Variants in HDAC7 observed in about 807,000 individuals in gnomAD.
HDAC7 encodes the protein histone deacetylase 7A.
A neutral mutation model predicts 115.5 loss-of-function variants in HDAC7; 26 were observed. That is an observed-to-expected ratio of 0.23 (90% CI 0.16 to 0.31). HDAC7 has a LOEUF of 0.31. HDAC7 is among the 10% of genes least tolerant of loss of function. HDAC7 has a pLI of 1.00. For synonymous variants in HDAC7, 564 were observed against 550.9 expected (o/e 1.02, Z -0.33); for missense variants, 1,068 against 1,329.0 (o/e 0.80, Z 3.05).
rs1351983270 is a variant in HDAC7, at chr12:47,819,822, C to T, written c.-37G>A. 5.3e-5 allele frequency: 2 copies of T among 37,904 alleles called. No homozygotes were observed. The highest frequency in any genetic ancestry group is 5.6e-4 in the East Asian group (1 of 1,776). 2.3% of individuals were successfully genotyped at this position (37,904 alleles called of 1,614,324 possible). ...GGCCCTCAGAGCGGGGGGCTCATGG[C>T]GGGGCGGGGGGCTGGGGCGCCGGCC... On this transcript the variant is annotated 5_prime_UTR_variant, in exon 1 of 26. Transcript: ENST00000080059.
At chr12:47,812,830 G>T (rs1055984462) in intron 1 of HDAC7, 3 of 152,254 alleles carry the variant, frequency 2.0e-5, no homozygotes, top group African/African-American at 4.8e-5. Context: ...TTCAAACCCA[G>T]ATCTCTGGCG....
chr12:47,819,526 C>A (rs1328559197), intron 1 of HDAC7, among the ~76,000 whole-genome samples: 8 of 151,870 alleles, frequency 5.3e-5, no homozygotes, highest in African/African-American at 1.9e-4. Flanking sequence ...GGGCGCCCCG[C>A]GGGAGGCCCG....
chr12:47,789,144 A>G, intron 19 of HDAC7, 117 bp downstream of exon 19: 1 of 808,640 alleles, frequency 1.2e-6, no homozygotes, highest in South Asian at 1.6e-5. Flanking sequence ...ACAAGGGGAA[A>G]CTGAGGCTCA....
chr12:47,785,219 T>G, intron 24 of HDAC7, 168 bp downstream of exon 24: 1 of 642,926 alleles, frequency 1.6e-6, no homozygotes, highest in Non-Finnish European at 2.7e-6. Flanking sequence ...AACCCCTCAC[T>G]GGGGGGTGCT....
In HDAC7 at chr12:47,785,893, T is replaced by A. The variant is rs763872349; in HGVS notation, c.2573-8A>T. On this transcript the variant is annotated splice_region_variant and splice_polypyrimidine_tract_variant and intron_variant, in intron 22 of 25. Transcript: ENST00000080059. The stretch of plus-strand genomic sequence containing the variant: ...GCGTCATGTATCCAAAACCTAGAGG[T>A]TGGGAGGGGAGAAATGGGAGGGGCG... 2.5e-6 allele frequency: 4 copies of A among 1,582,246 alleles called. No individual in the cohort carries two copies. The East Asian group carries it at 9.1e-5, about 36-fold the overall frequency.
At chr12:47,805,322 G>T (rs956734223) in intron 1 of HDAC7, among the ~76,000 whole-genome samples, 1 of 151,792 alleles carries the variant, frequency 6.6e-6, no homozygotes, top group Non-Finnish European at 1.5e-5. Context: ...GGGCTCAAGC[G>T]ATCCTCCCCG....
At position 47,797,294 on chromosome 12, in the gene HDAC7, C is replaced by CA; in HGVS notation, c.577+89dup. On this transcript the variant is annotated intron_variant, in intron 6 of 25. Transcript: ENST00000080059. The surrounding 1 kb of genome is among the most constrained non-coding windows in gnomAD (Gnocchi z 5.5). The stretch of plus-strand genomic sequence containing the variant: ...CTACCGATGATCTCCTGGCCCAGCC[C>CA]AGCCCGCCCACCCCTGCACACTCCT... The CA allele has an allele frequency of 7.6e-7, 1 of 1,314,908 alleles. No individual in the cohort carries two copies. Among genetic ancestry groups the CA allele is most frequent in the South Asian group, 1.2e-5 (1 of 80,996 alleles). 81.5% of individuals were successfully genotyped at this position (1,314,908 alleles called of 1,614,324 possible).
intron 1 of HDAC7, among the ~76,000 whole-genome samples, chr12:47,814,070 T>G (rs1944778170): frequency 6.6e-6 from 1 of 152,182 alleles, no homozygotes; most frequent in African/African-American, 2.4e-5. Flanking sequence ...TCCCAGCTGA[T>G]GTAGAGCCCG....
rs373121556 is a variant in HDAC7 at position 47,797,855 on chromosome 12, G to GGTGT, written c.461+249_461+252dup. Among the ~76,000 whole-genome samples the GGTGT allele has an allele frequency of 0.039, 4,820 of 123,884 alleles. 158 individuals are homozygous for GGTGT. The highest frequency in any genetic ancestry group is 0.082 in the African/African-American group (2,555 of 31,272). The allele number at this position is 123,884 out of a possible 152,430, so 81.3% of individuals were successfully genotyped here. A position where few individuals can be genotyped will look rare whatever the true frequency, so the allele number is the denominator to read the frequency against. ...TCATGTGCAAGAAAAAAGCCAGTAG[G>GGTGT]GTGTGTGTGTGTGTGTGTGTGTGTG... is the stretch of plus-strand genomic sequence containing the variant. On this transcript the variant is annotated intron_variant, in intron 5 of 25. Transcript: ENST00000080059. This position sits in a 1 kb window ranked among gnomAD's most constrained non-coding sequence, Gnocchi z 5.5.
At chr12:47,790,795 C>G in intron 16 of HDAC7, 1 of 207,068 alleles carries the variant, frequency 4.8e-6, no homozygotes. Context: ...GGCTATGTCC[C>G]GGAGTGGGGA....
rs748824038 is a variant in HDAC7, at chr12:47,791,650, C to T, written c.1869G>A (p.Arg623=). 4.3e-6 allele frequency: 7 copies of T among 1,613,312 alleles called. No individual in the cohort carries two copies. In the South Asian group the frequency reaches 7.7e-5, roughly 18 times the overall value. The change falls in exon 15 of 26, where the codon CGG becomes CGA. Residue 623 remains arginine, a synonymous_variant. Coordinates refer to ENST00000080059, the MANE Select transcript of HDAC7 (RefSeq NM_015401.5). The part of the protein sequence containing the change: ...LEELQSVHSE[R]HVLLYGTNPL... Reference sequence around the variant, plus strand: ...GGTTGGTGCCGTAGAGGAGCACGTGCCGCTCAGAGTGGACCGACTGCAGCT... The same window carrying T: ...GGTTGGTGCCGTAGAGGAGCACGTGTCGCTCAGAGTGGACCGACTGCAGCT...
rs1943747890 is a variant in HDAC7 at position 47,795,244 on chromosome 12, T to A, written c.1224A>T (p.Pro408=). ...EPLPPSATAP[P]PPGPMQPRLE... is the part of the protein sequence containing the mutation. ...GGCGGGGCTGCATGGGGCCCGGCGG[T>A]GGGGGAGCGGTGGCACTGGGGGGCA... Residue 408 remains proline (P), a synonymous_variant, in exon 11 of 26, where the codon CCA becomes CCT. Transcript: ENST00000080059. This position sits in a 1 kb window ranked among gnomAD's most constrained non-coding sequence, Gnocchi z 4.3. 6.2e-7 allele frequency: 1 copy of A among 1,611,074 alleles called. No homozygotes were observed. The highest frequency in any genetic ancestry group is 8.5e-7 in the Non-Finnish European group (1 of 1,178,546).
At chr12:47,818,197 G>A (rs10875691) in intron 1 of HDAC7, among the ~76,000 whole-genome samples, 7,583 of 152,192 alleles carry the variant, frequency 0.05, 693 homozygotes, top group East Asian at 0.24. Flanking sequence ...CCGAATAAGG[G>A]ACACAGAGGC....
intron 2 of HDAC7, among the ~76,000 whole-genome samples, chr12:47,801,054 G>A (rs1944141931): frequency 1.3e-5 from 2 of 152,156 alleles, no homozygotes; most frequent in Non-Finnish European, 1.5e-5. Flanking sequence ...TGCCTGTGCT[G>A]TCCTCATCCC....
chr12:47,802,148 C>T (rs1323145034), intron 2 of HDAC7, 76 bp downstream of exon 2: 25 of 1,462,404 alleles, frequency 1.7e-5, no homozygotes, highest in Non-Finnish European at 2.1e-5. Context: ...AACCCCTCAG[C>T]TTCTCGCGTT....
chr12:47,785,543 C>T (rs774598909), intron 23 of HDAC7, 72 bp from the exon 24 acceptor site: 14 of 1,466,372 alleles, frequency 9.5e-6, no homozygotes, highest in South Asian at 3.8e-5. Flanking sequence ...ACCCCAGGGG[C>T]CCCAGCCTTC....
intron 16 of HDAC7, chr12:47,790,388 C>T (rs886248528): frequency 3.5e-5 from 6 of 170,806 alleles, no homozygotes; most frequent in East Asian, 3.0e-4. Context: ...AGGGAGGGGC[C>T]GGGGGGCATG....
rs992607520 is a variant in HDAC7, at chr12:47,803,470, C to G, written c.20-1196G>C. On this transcript the variant is annotated intron_variant, in intron 1 of 25. Coordinates refer to ENST00000080059, the MANE Select transcript of HDAC7 (RefSeq NM_015401.5). This position sits in a 1 kb window ranked among gnomAD's most constrained non-coding sequence, Gnocchi z 4.0. ...GACTCCCACCGACTGCCCCTCAAAC[C>G]AGCCCATGCTTTGGGTAACAAAGTT... 6.6e-6 allele frequency among the ~76,000 whole-genome samples: 1 copy of G among 152,198 alleles called. No individual in the cohort carries two copies. The highest frequency in any genetic ancestry group is 6.5e-5 in the Admixed American group (1 of 15,280).
Position 47,793,414 on chromosome 12 carries a change from G to T in HDAC7, c.1633C>A (p.Leu545Ile). 3 of 1,561,744 alleles carry T rather than the reference G, an allele frequency of 1.9e-6. No homozygotes were observed. The highest frequency in any genetic ancestry group is 2.6e-6 in the Non-Finnish European group (3 of 1,153,038). ...CTGGCAGGGGTCTCTGAGCTGGAGAGGACTCGGGCCTGGCTGGCAGGCTCT... is the reference window on the plus strand; with the variant it reads ...CTGGCAGGGGTCTCTGAGCTGGAGATGACTCGGGCCTGGCTGGCAGGCTCT... ...APEPASQARV[L>I]SSSETPARTL... Residue 545 changes from leucine (L) to isoleucine (I), a missense_variant, in exon 13 of 26, where the codon CTC (leucine) becomes ATC (isoleucine). This residue lies in a region of HDAC7 where 618 missense variants were observed against 701.5 expected (regional missense o/e 0.88). Coordinates refer to ENST00000080059, the MANE Select transcript of HDAC7 (RefSeq NM_015401.5). The surrounding 1 kb of genome is among the most constrained non-coding windows in gnomAD (Gnocchi z 4.5).
Sources: gnomAD v4.1 joint callset for allele counts (sites outside exome capture counted in the v4.1 genomes callset) on GRCh38, gnomAD v4.1.1 for gene constraint, gnomAD v4.1.1 regional missense constraint, Gnocchi (gnomAD v3.1) non-coding constraint, MANE v1.5 for transcripts, NCBI Gene and HGNC (gene_info 2026-07-23, HGNC 2026-07-21) for gene names.